IGBP1C: variants seen among roughly 807,000 people sequenced by gnomAD.
IGBP1C encodes the protein immunoglobulin-binding protein 1 family member C.
chr17:58,661,106 T>C, the IGBP1C span: 5 of 933,186 alleles, frequency 5.4e-6, no homozygotes, highest in African/African-American at 1.6e-5. Flanking sequence ...CTTCTTCTGC[T>C]TGTATCGCTC....
chr17:58,685,279 T>C, the IGBP1C span, among the ~76,000 whole-genome samples: 1 of 151,058 alleles, frequency 6.6e-6, no homozygotes, highest in Non-Finnish European at 1.5e-5. Flanking sequence ...ACTAAAAAAA[T>C]ACAAAAATTA....
At chr17:58,674,646 G>A in the IGBP1C span, among the ~76,000 whole-genome samples, 4 of 152,044 alleles carry the variant, frequency 2.6e-5, no homozygotes, top group Non-Finnish European at 4.4e-5. Flanking sequence ...CTCCAGCCTG[G>A]GTGACAGAGT....
the IGBP1C span, among the ~76,000 whole-genome samples, chr17:58,688,027 G>A: frequency 1.3e-5 from 2 of 152,138 alleles, no homozygotes; most frequent in Non-Finnish European, 2.9e-5. Flanking sequence ...CCTGAATGTA[G>A]ACCCCAGTCA....
chr17:58,689,910 C>T, the IGBP1C span, among the ~76,000 whole-genome samples: 33 of 146,708 alleles, frequency 2.2e-4, no homozygotes, highest in Non-Finnish European at 4.2e-4. Flanking sequence ...AATGTGGTGG[C>T]GTGATCTAGG....
At chr17:58,691,429 GA>G in the IGBP1C span, among the ~76,000 whole-genome samples, 1 of 151,884 alleles carries the variant, frequency 6.6e-6, no homozygotes. Context: ...AGCATTTTGG[GA>G]GGCCGAGGCA....
At chr17:58,689,745 A>G in the IGBP1C span, among the ~76,000 whole-genome samples, 46 of 152,178 alleles carry the variant, frequency 3.0e-4, no homozygotes, top group African/African-American at 1.1e-3. Context: ...CGTGGTTTCA[A>G]AAACCTGGAT....
At chr17:58,689,000 G>A in the IGBP1C span, among the ~76,000 whole-genome samples, 2 of 151,522 alleles carry the variant, frequency 1.3e-5, no homozygotes, top group Non-Finnish European at 2.9e-5. Context: ...GCATGATCTT[G>A]GCTCACTGCA....
the IGBP1C span, among the ~76,000 whole-genome samples, chr17:58,665,381 G>A: frequency 6.7e-6 from 1 of 150,352 alleles, no homozygotes; most frequent in Non-Finnish European, 1.5e-5. Flanking sequence ...AGGCAGGATG[G>A]CTTGAGGCCA....
the IGBP1C span, among the ~76,000 whole-genome samples, chr17:58,679,325 T>C: frequency 1.3e-5 from 2 of 152,168 alleles, no homozygotes; most frequent in African/African-American, 4.8e-5. Context: ...ACTGCGTACT[T>C]CTGATTGTAA....
chr17:58,680,950 G>A, the IGBP1C span, among the ~76,000 whole-genome samples: 1 of 151,972 alleles, frequency 6.6e-6, no homozygotes, highest in East Asian at 1.9e-4. Context: ...TCAAGCTCAC[G>A]GTTTTCCATC....
chr17:58,679,111 G>A, the IGBP1C span, among the ~76,000 whole-genome samples: 658 of 152,054 alleles, frequency 4.3e-3, 1 homozygote, highest in African/African-American at 0.015. Flanking sequence ...CTGAGATTGC[G>A]CCATTGTACT....
chr17:58,673,270 G>T, the IGBP1C span, among the ~76,000 whole-genome samples: 2 of 151,262 alleles, frequency 1.3e-5, no homozygotes, highest in Admixed American at 1.3e-4. Flanking sequence ...TATAAGGTCA[G>T]GAGTTCAAGA....
chr17:58,662,223 G>A, the IGBP1C span, among the ~76,000 whole-genome samples: 1 of 151,694 alleles, frequency 6.6e-6, no homozygotes, highest in Admixed American at 6.6e-5. Flanking sequence ...GGCCGAGGTG[G>A]GCGGACTAGG....
At chr17:58,689,289 T>C in the IGBP1C span, among the ~76,000 whole-genome samples, 1 of 151,876 alleles carries the variant, frequency 6.6e-6, no homozygotes, top group Non-Finnish European at 1.5e-5. Context: ...TGGCCTGATC[T>C]CACTCACTGC....
the IGBP1C span, among the ~76,000 whole-genome samples, chr17:58,669,114 G>A: frequency 6.6e-6 from 1 of 152,154 alleles, no homozygotes; most frequent in Non-Finnish European, 1.5e-5. Flanking sequence ...CACTTTGGGA[G>A]GGTGAGGTGG....
At chr17:58,668,295 G>A in the IGBP1C span, among the ~76,000 whole-genome samples, 1 of 152,130 alleles carries the variant, frequency 6.6e-6, no homozygotes, top group Non-Finnish European at 1.5e-5. Context: ...CCATTGCAGC[G>A]GTCTCTATAC....
At chr17:58,663,916 G>A in the IGBP1C span, among the ~76,000 whole-genome samples, 14 of 152,172 alleles carry the variant, frequency 9.2e-5, no homozygotes, top group African/African-American at 2.9e-4. Flanking sequence ...AGTGGCTCAT[G>A]CCTGCAATCC....
chr17:58,672,370 C>A, the IGBP1C span, among the ~76,000 whole-genome samples: 1 of 152,202 alleles, frequency 6.6e-6, no homozygotes, highest in East Asian at 1.9e-4. Context: ...GTTGCAGAAT[C>A]TTCCAGCACT....
the IGBP1C span, among the ~76,000 whole-genome samples, chr17:58,684,708 T>G: frequency 6.6e-6 from 1 of 151,958 alleles, no homozygotes; most frequent in Admixed American, 6.6e-5. Context: ...ACCACTTATT[T>G]TTTAAAAACT....
Sources: gnomAD v4.1 joint callset for allele counts (sites outside exome capture counted in the v4.1 genomes callset) on GRCh38, gnomAD v4.1.1 for gene constraint, MANE v1.5 for transcripts, NCBI Gene and HGNC (gene_info 2026-07-23, HGNC 2026-07-21) for gene names.